ZNF75D: variants seen among roughly 807,000 people sequenced by gnomAD.
ZNF75D encodes the protein zinc finger protein 75D, also known as zinc finger protein 75.
ZNF75D carries 33 observed loss-of-function variants against 33.3 expected under a neutral mutation model. The observed-to-expected ratio is 0.99, with a 90% CI of 0.75 to 1.32. ZNF75D has a LOEUF of 1.32. Among genes scored for constraint, ZNF75D ranks in the 40% most tolerant of loss-of-function variants. The probability of loss-of-function intolerance (pLI) is 0.00; values close to 1 mark genes in which losing one functional copy is unlikely to be tolerated. For missense variants in ZNF75D, 338 were observed against 367.5 expected, an observed-to-expected ratio of 0.92 and a Z score of 0.66; for synonymous variants, 113 against 130.6, an observed-to-expected ratio of 0.87 and a Z score of 0.92.
chrX:135,294,861 T>C (rs2084101869), intron 2 of ZNF75D, among the ~76,000 whole-genome samples: 1 of 111,713 alleles, frequency 9.0e-6, no homozygotes, highest in Non-Finnish European at 1.9e-5. Context: ...GCCCTCCCGC[T>C]AAGCAAGCAG....
intron 1 of ZNF75D, among the ~76,000 whole-genome samples, chrX:135,314,324 C>T (rs1375239002): frequency 1.3e-4 from 15 of 112,102 alleles, no homozygotes; most frequent in African/African-American, 4.8e-4. Flanking sequence ...ACCATCCTTA[C>T]ATTTCCTGTT....
At chrX:135,266,358 C>A (rs2083863068) in intron 1 of ZNF75D, among the ~76,000 whole-genome samples, 1 of 111,695 alleles carries the variant, frequency 9.0e-6, no homozygotes, top group Non-Finnish European at 1.9e-5. Flanking sequence ...AAACAAGACC[C>A]AATCATCTGT....
intron 6 of ZNF75D, among the ~76,000 whole-genome samples, chrX:135,288,858 A>C (rs896753795): frequency 5.3e-5 from 6 of 112,719 alleles, no homozygotes; most frequent in African/African-American, 1.6e-4. Flanking sequence ...TAAATTGCCC[A>C]GCTTTTTGAA....
downstream of ZNF75D, among the ~76,000 whole-genome samples, chrX:135,281,336 A>C (rs139287023): frequency 5.1e-3 from 560 of 109,569 alleles, 3 homozygotes; most frequent in African/African-American, 0.017. Context: ...CAGCTCCTTC[A>C]GGTCATTTGT....
chrX:135,297,552 T>G (rs1218635695), intron 1 of ZNF75D: 1 of 114,054 alleles, frequency 8.8e-6, no homozygotes, highest in Non-Finnish European at 1.9e-5. Flanking sequence ...TCATTTTCTT[T>G]CCCCTAAACA....
At chrX:135,265,005 G>A (rs76393787) in intron 1 of ZNF75D, among the ~76,000 whole-genome samples, 6,042 of 111,784 alleles carry the variant, frequency 0.054, 162 homozygotes, top group Middle Eastern at 0.089. Flanking sequence ...CAGATCACGG[G>A]GTCAGAAGTT....
intron 1 of ZNF75D, among the ~76,000 whole-genome samples, chrX:135,308,990 A>ATT (rs1556426686): frequency 8.9e-6 from 1 of 111,942 alleles, no homozygotes; most frequent in Admixed American, 9.5e-5. Context: ...AAAATAATGA[A>ATT]TTTTGTTATG....
intron 1 of ZNF75D, among the ~76,000 whole-genome samples, chrX:135,305,794 C>A (rs17330710): frequency 0.25 from 27,777 of 110,399 alleles, 2,812 homozygotes; most frequent in South Asian, 0.42. Flanking sequence ...AACACTCTCT[C>A]AAAGGGGAGT....
At chrX:135,317,864 G>A (rs2084440681) in intron 1 of ZNF75D, among the ~76,000 whole-genome samples, 1 of 110,417 alleles carries the variant, frequency 9.1e-6, no homozygotes, top group African/African-American at 3.3e-5. Flanking sequence ...AGAGGCAGGG[G>A]AAGAGCAATC....
At chrX:135,263,269 G>T (rs1021715974) in intron 1 of ZNF75D, among the ~76,000 whole-genome samples, 1 of 113,012 alleles carries the variant, frequency 8.8e-6, no homozygotes, top group Non-Finnish European at 1.9e-5. Context: ...CTACACAGGG[G>T]TCAGCAACCC....
intron 1 of ZNF75D, among the ~76,000 whole-genome samples, chrX:135,311,414 C>T (rs1276714571): frequency 8.9e-6 from 1 of 112,202 alleles, no homozygotes; most frequent in Non-Finnish European, 1.9e-5. Flanking sequence ...TAAATTAATT[C>T]ATTTTTCATT....
chrX:135,327,363 AAG>A (rs2084594944), intron 1 of ZNF75D, among the ~76,000 whole-genome samples: 2 of 112,485 alleles, frequency 1.8e-5, no homozygotes, highest in African/African-American at 6.5e-5. Context: ...GAGGGTTAAG[AAG>A]AGAGAGGAAA....
At chrX:135,275,704 T>G (rs1378191121) in intron 1 of ZNF75D, among the ~76,000 whole-genome samples, 6 of 111,052 alleles carry the variant, frequency 5.4e-5, no homozygotes, top group Non-Finnish European at 1.1e-4. Flanking sequence ...GGCTTTCATT[T>G]GGTTCTGTGA....
chrX:135,253,099 C>T, intron 2 of ZNF75D: 1 of 273,820 alleles, frequency 3.7e-6, no homozygotes, highest in Non-Finnish European at 6.3e-6. Context: ...TCTCCTGTGA[C>T]TACTGCTGGT....
intron 1 of ZNF75D, among the ~76,000 whole-genome samples, chrX:135,322,991 G>A (rs1556435467): frequency 8.9e-6 from 1 of 112,492 alleles, no homozygotes; most frequent in African/African-American, 3.2e-5. Context: ...ACCAACTGGT[G>A]TATTTTAGCA....
At chrX:135,279,255 G>T (rs1254085141) in intron 1 of ZNF75D, among the ~76,000 whole-genome samples, 4 of 111,815 alleles carry the variant, frequency 3.6e-5, no homozygotes, top group African/African-American at 1.3e-4. Flanking sequence ...ATTTCTTCTA[G>T]ATTTTGTTGT....
chrX:135,326,494 G>A (rs1254276194), intron 1 of ZNF75D, among the ~76,000 whole-genome samples: 5 of 111,927 alleles, frequency 4.5e-5, no homozygotes, highest in Admixed American at 1.9e-4. Flanking sequence ...CAGACCACTC[G>A]GCTCTACCAA....
At chrX:135,309,874 T>C (rs2148482031) in intron 1 of ZNF75D, among the ~76,000 whole-genome samples, 1 of 111,923 alleles carries the variant, frequency 8.9e-6, no homozygotes, top group South Asian at 3.8e-4. Context: ...CTTTTGTTCA[T>C]CCTAACGCAC....
intron 1 of ZNF75D, among the ~76,000 whole-genome samples, chrX:135,315,674 C>A (rs782150767): frequency 8.9e-6 from 1 of 112,023 alleles, no homozygotes; most frequent in African/African-American, 3.2e-5. Context: ...ATCCCTTTAT[C>A]ATTATATAAT....
Sources: allele counts gnomAD v4.1 joint callset (sites outside exome capture counted in the v4.1 genomes callset), GRCh38; gene constraint gnomAD v4.1.1; transcripts MANE v1.5; gene names NCBI Gene and HGNC (gene_info 2026-07-23, HGNC 2026-07-21).